SCUBE1: variants seen among roughly 807,000 people sequenced by gnomAD.
SCUBE1 encodes the protein signal peptide, CUB and EGF-like domain-containing protein 1.
In SCUBE1, 59 loss-of-function variants were observed where a neutral mutation model predicts 124.4. That is an observed-to-expected ratio of 0.47 (90% CI 0.38 to 0.59). The LOEUF (loss-of-function observed/expected upper bound fraction) is 0.59. Among genes scored for constraint, SCUBE1 ranks in the 20% least tolerant of loss-of-function variants. The pLI, the probability that SCUBE1 is intolerant of heterozygous loss-of-function variation, is 0.00. For synonymous variants in SCUBE1, 545 were observed against 550.9 expected (o/e 0.99, Z 0.15); for missense variants, 1,150 against 1,371.2 (o/e 0.84, Z 2.55).
intron 6 of SCUBE1, among the ~76,000 whole-genome samples, chr22:43,246,202 C>A (rs928677749): frequency 3.9e-5 from 6 of 152,170 alleles, no homozygotes; most frequent in Non-Finnish European, 8.8e-5. Flanking sequence ...CCCTGCCCTG[C>A]CTCCTTCACT....
At chr22:43,342,664 T>C (rs572021620) in intron 1 of SCUBE1, among the ~76,000 whole-genome samples, 1 of 151,808 alleles carries the variant, frequency 6.6e-6, no homozygotes, top group African/African-American at 2.4e-5. Flanking sequence ...CCCTTCCGCA[T>C]CTGTCTTTTC....
intron 4 of SCUBE1, among the ~76,000 whole-genome samples, chr22:43,272,862 G>A (rs1924345053): frequency 1.3e-5 from 2 of 152,342 alleles, no homozygotes; most frequent in East Asian, 1.9e-4. Context: ...TTCCACTGAG[G>A]AGGCTGAAGC....
chr22:43,342,505 C>A (rs373003059), intron 1 of SCUBE1, among the ~76,000 whole-genome samples: 94 of 146,078 alleles, frequency 6.4e-4, no homozygotes, highest in African/African-American at 2.1e-3. Context: ...CCTCTCACCG[C>A]CCCCCCCAAC....
intron 2 of SCUBE1, among the ~76,000 whole-genome samples, chr22:43,322,099 C>T (rs1164412251): frequency 6.6e-6 from 1 of 152,142 alleles, no homozygotes; most frequent in Non-Finnish European, 1.5e-5. Context: ...ATTCGCCTGC[C>T]TCAGCCTCCC....
chr22:43,341,604 CT>C (rs1359694175), intron 1 of SCUBE1, among the ~76,000 whole-genome samples: 5 of 152,206 alleles, frequency 3.3e-5, no homozygotes, highest in Admixed American at 1.3e-4. Flanking sequence ...CCCAACACAC[CT>C]TTAAACACTT....
chr22:43,238,776 A>G, intron 7 of SCUBE1, 62 bp downstream of exon 7: 1 of 1,359,264 alleles, frequency 7.4e-7, no homozygotes, highest in Non-Finnish European at 1.1e-6. Context: ...CTATGCAAGC[A>G]CACGGAGGCT....
At chr22:43,332,443 C>T (rs771904349) in intron 2 of SCUBE1, among the ~76,000 whole-genome samples, 6 of 152,260 alleles carry the variant, frequency 3.9e-5, no homozygotes, top group African/African-American at 7.2e-5. Context: ...GGAGCGAGTC[C>T]GTGTAGAAGC....
chr22:43,299,072 A>T (rs1925673459), intron 3 of SCUBE1, among the ~76,000 whole-genome samples: 1 of 151,996 alleles, frequency 6.6e-6, no homozygotes, highest in Admixed American at 6.5e-5. Flanking sequence ...AAAAGAAAAA[A>T]GATTCAGTGA....
In SCUBE1 at chr22:43,291,083, A is replaced by G. The variant is rs1025200884; in HGVS notation, c.447T>C (p.Leu149=). ...YECQCHSGFF[L]SDNQHTCIHR... is the part of the protein sequence containing the mutation. ...GGATGCAGGTATGCTGGTTGTCACT[A>G]AGGAAGAAGCCACTGTGGCACTGAC... The change falls in exon 4 of 22, where the codon CTT becomes CTC. Residue 149 remains leucine (L), a synonymous_variant. Coordinates refer to ENST00000360835, the MANE Select transcript of SCUBE1 (RefSeq NM_173050.5). The G allele has an allele frequency of 1.2e-6, 2 of 1,613,148 alleles. No individual in the cohort carries two copies. The highest frequency in any genetic ancestry group is 2.2e-5 in the South Asian group (2 of 90,930).
At position 43,220,590 on chromosome 22, in the gene SCUBE1, G is replaced by A. The variant is rs1238518731; in HGVS notation, c.1550-3C>T. 3.1e-6 allele frequency: 5 copies of A among 1,613,356 alleles called. No homozygotes were observed. Among genetic ancestry groups the A allele is most frequent in the South Asian group, 1.1e-5 (1 of 91,054 alleles). On this transcript the variant is annotated splice_region_variant and splice_polypyrimidine_tract_variant and intron_variant, in intron 13 of 21. Coordinates refer to ENST00000360835, the MANE Select transcript of SCUBE1 (RefSeq NM_173050.5). ...CACGAAAGTCACATGGCAGTGGTCT[G>A]GACGAGGAAAGGACCACTGTGGCAA... is the stretch of plus-strand genomic sequence containing the variant.
At chr22:43,313,024 C>T (rs536824072) in intron 3 of SCUBE1, among the ~76,000 whole-genome samples, 2 of 152,290 alleles carry the variant, frequency 1.3e-5, no homozygotes, top group South Asian at 2.1e-4. Flanking sequence ...AGGTCACTTC[C>T]CCTCACTAGG....
chr22:43,323,819 A>G (rs1166799000), intron 2 of SCUBE1, among the ~76,000 whole-genome samples: 5 of 152,244 alleles, frequency 3.3e-5, no homozygotes, highest in Non-Finnish European at 7.3e-5. Flanking sequence ...TACAAAATAC[A>G]TACAACAATT....
At chr22:43,243,400 G>A (rs1002283692) in intron 6 of SCUBE1, among the ~76,000 whole-genome samples, 1 of 152,262 alleles carries the variant, frequency 6.6e-6, no homozygotes, top group African/African-American at 2.4e-5. Context: ...CAAGTTAAAA[G>A]GTCTGGCCTT....
chr22:43,250,052 T>C (rs957649342), intron 6 of SCUBE1, among the ~76,000 whole-genome samples: 3 of 152,236 alleles, frequency 2.0e-5, no homozygotes, highest in African/African-American at 4.8e-5. Flanking sequence ...TAGTCACTCA[T>C]TTCATCCTCA....
chr22:43,324,992 T>C (rs1296938668), intron 2 of SCUBE1, among the ~76,000 whole-genome samples: 1 of 149,284 alleles, frequency 6.7e-6, no homozygotes, highest in Non-Finnish European at 1.5e-5. Flanking sequence ...GCTGCTGTCC[T>C]AAGAAGAGGG....
chr22:43,297,190 TCC>T (rs1925596494), intron 3 of SCUBE1, among the ~76,000 whole-genome samples: 1 of 152,224 alleles, frequency 6.6e-6, no homozygotes, highest in South Asian at 2.1e-4. Flanking sequence ...ACCTTGCCCG[TCC>T]ATCTCCCTGG....
intron 3 of SCUBE1, among the ~76,000 whole-genome samples, chr22:43,304,897 T>C (rs1925909827): frequency 1.3e-5 from 2 of 152,026 alleles, no homozygotes; most frequent in African/African-American, 2.4e-5. Flanking sequence ...AAGGACACCA[T>C]AGTGGGAGTA....
chr22:43,218,607 G>A, intron 14 of SCUBE1, 149 bp from the exon 15 acceptor site: 2 of 792,542 alleles, frequency 2.5e-6, no homozygotes, highest in East Asian at 2.7e-5. Context: ...AGGGGCCACT[G>A]TCATGCCCAT....
At chr22:43,235,693 G>A (rs754366839) in intron 7 of SCUBE1, among the ~76,000 whole-genome samples, 20 of 152,258 alleles carry the variant, frequency 1.3e-4, no homozygotes, top group Non-Finnish European at 2.4e-4. Flanking sequence ...GCCAGCCACC[G>A]GCAGCCCAGC....
Sources: gnomAD v4.1 joint callset for allele counts (sites outside exome capture counted in the v4.1 genomes callset) on GRCh38, gnomAD v4.1.1 for gene constraint, MANE v1.5 for transcripts, NCBI Gene and HGNC (gene_info 2026-07-23, HGNC 2026-07-21) for gene names.